Variants in FABP12 observed in about 807,000 individuals in gnomAD.
FABP12 encodes the protein fatty acid-binding protein 12.
FABP12 carries 19 observed loss-of-function variants against 13.7 expected under a neutral mutation model. That is an observed-to-expected ratio of 1.39 (90% CI 0.97 to 2.04). The LOEUF (loss-of-function observed/expected upper bound fraction) is 2.04, where lower values mean the gene tolerates loss of function less well. Ranked by LOEUF, FABP12 falls within the 30% of genes most tolerant of loss-of-function variation. The probability of loss-of-function intolerance (pLI) is 0.00; values close to 1 mark genes in which losing one functional copy is unlikely to be tolerated. For missense variants in FABP12, 182 were observed against 164.2 expected, an observed-to-expected ratio of 1.11 and a Z score of -0.59; for synonymous variants, 61 against 57.0, an observed-to-expected ratio of 1.07 and a Z score of -0.32.
rs534411791 is a variant in FABP12 at position 81,543,606 on chromosome 8, A to G, written c.-184-3863T>C. On this transcript the variant is annotated intron_variant, in intron 1 of 5. Coordinates refer to the FABP12 transcript ENST00000692030. ...CATTAACCTATAAGTATATAAAAGT[A>G]TGTATACCCTGATCACAAATATGAA... Among the ~76,000 whole-genome samples, 10 of 152,350 alleles carry G rather than the reference A, an allele frequency of 6.6e-5. No homozygotes were observed. The South Asian group carries it at 2.1e-3, about 32-fold the overall frequency.
rs561314204 is a variant in FABP12, at chr8:81,527,246, C to T, written c.247-125G>A. 4 of 507,710 alleles carry T rather than the reference C, an allele frequency of 7.9e-6. No homozygotes were observed. In the South Asian group the frequency reaches 1.1e-4, roughly 14 times the overall value. 31.5% of individuals were successfully genotyped at this position (507,710 alleles called of 1,614,324 possible). A position where few individuals can be genotyped will look rare whatever the true frequency, so the allele number is the denominator to read the frequency against. On this transcript the variant is annotated intron_variant, in intron 3 of 4. Coordinates refer to ENST00000360464, the Ensembl canonical transcript of FABP12. ...GGTAGTTTTAGAATGGTATTGACAACTCTATTTATTTTAAGACTTTGTCAG... is the reference window on the plus strand; with the variant it reads ...GGTAGTTTTAGAATGGTATTGACAATTCTATTTATTTTAAGACTTTGTCAG...
At chr8:81,528,369 G>A (rs576555139) in intron 3 of FABP12, among the ~76,000 whole-genome samples, 10 of 152,148 alleles carry the variant, frequency 6.6e-5, no homozygotes, top group South Asian at 4.2e-4. Context: ...ATGAGCTACC[G>A]CACCCAACCT....
intron 3 of FABP12, 120 bp from the exon 4 acceptor site, chr8:81,527,241 G>T (rs1198251743): frequency 1.9e-6 from 1 of 532,186 alleles, no homozygotes; most frequent in African/African-American, 1.9e-5. Flanking sequence ...GAATGGTATT[G>T]ACAACTCTAT....
At chr8:81,549,791 A>T (rs569437484) in intron 1 of FABP12, among the ~76,000 whole-genome samples, 1 of 152,324 alleles carries the variant, frequency 6.6e-6, no homozygotes, top group African/African-American at 2.4e-5. Flanking sequence ...CCTAGTGTTT[A>T]AACAAATAAA....
At chr8:81,558,594 A>G (rs1809662580) in intron 1 of FABP12, among the ~76,000 whole-genome samples, 1 of 152,120 alleles carries the variant, frequency 6.6e-6, no homozygotes, top group Admixed American at 6.5e-5. Flanking sequence ...ATTTAAGTGC[A>G]TAGAAGTTGG....
At chr8:81,571,592 T>C (rs1585856331) in intron 1 of FABP12, among the ~76,000 whole-genome samples, 1 of 152,244 alleles carries the variant, frequency 6.6e-6, no homozygotes, top group Non-Finnish European at 1.5e-5. Context: ...ATTCCCTTTT[T>C]ATAGACGAAG....
chr8:81,531,390 A>G, exon 2 of FABP12: 1 of 983,582 alleles, frequency 1.0e-6, no homozygotes, highest in South Asian at 1.6e-5. Flanking sequence ...TAGTATGGGA[A>G]CTTGTTTTTA....
At chr8:81,575,225 A>G (rs1810017372) in intron 1 of FABP12, among the ~76,000 whole-genome samples, 1 of 152,196 alleles carries the variant, frequency 6.6e-6, no homozygotes. Flanking sequence ...TGCTCATTCA[A>G]GAGCAGGTAA....
chr8:81,533,702 G>A (rs561353824), intron 1 of FABP12, among the ~76,000 whole-genome samples, 100 bp downstream of exon 1: 44 of 152,264 alleles, frequency 2.9e-4, no homozygotes, highest in African/African-American at 9.9e-4. Flanking sequence ...AGCTGGTCAC[G>A]TGGGACCCAC....
upstream of FABP12, among the ~76,000 whole-genome samples, chr8:81,535,766 T>C (rs1809206408): frequency 1.3e-5 from 2 of 152,102 alleles, no homozygotes; most frequent in African/African-American, 4.8e-5. Flanking sequence ...TATCTCAGGG[T>C]TCTTCCTTCT....
intron 3 of FABP12, 59 bp downstream of exon 3, chr8:81,529,379 G>A (rs1808996746): frequency 6.5e-7 from 1 of 1,533,604 alleles, no homozygotes; most frequent in East Asian, 2.2e-5. Context: ...TACTTACCGA[G>A]GATGATATCT....
intron 1 of FABP12, among the ~76,000 whole-genome samples, chr8:81,578,019 G>T (rs984206972): frequency 6.6e-6 from 1 of 152,186 alleles, no homozygotes; most frequent in Non-Finnish European, 1.5e-5. Flanking sequence ...ATGGAAGGTT[G>T]ATTGTGGTAT....
At chr8:81,533,820 G>C (rs962773450) in exon 1 of FABP12, among the ~76,000 whole-genome samples, 1 of 152,130 alleles carries the variant, frequency 6.6e-6, no homozygotes, top group South Asian at 2.1e-4. Flanking sequence ...TTCTGGTCTT[G>C]TTTAGGCTTG....
chr8:81,531,718 C>A (rs1346869459), intron 1 of FABP12, among the ~76,000 whole-genome samples: 3 of 152,120 alleles, frequency 2.0e-5, no homozygotes, highest in Non-Finnish European at 4.4e-5. Flanking sequence ...CTCTGTCTGT[C>A]CAAAGATGAT....
intron 1 of FABP12, among the ~76,000 whole-genome samples, chr8:81,589,374 T>C (rs775126754): frequency 1.2e-4 from 18 of 152,148 alleles, no homozygotes; most frequent in Non-Finnish European, 2.2e-4. Context: ...CTGGGCAACA[T>C]AGTGAGACCT....
chr8:81,553,179 T>C (rs1809548883), intron 1 of FABP12, among the ~76,000 whole-genome samples: 2 of 152,200 alleles, frequency 1.3e-5, no homozygotes, highest in African/African-American at 4.8e-5. Context: ...TCTCTCTTTC[T>C]CCAGATACCT....
chr8:81,554,804 TA>T (rs369556823), intron 1 of FABP12, among the ~76,000 whole-genome samples: 2,241 of 149,988 alleles, frequency 0.015, 16 homozygotes, highest in Admixed American at 0.024. Flanking sequence ...CTGATGAGCT[TA>T]AAAAAAAAAT....
intron 1 of FABP12, among the ~76,000 whole-genome samples, chr8:81,567,962 A>G (rs187500467): frequency 6.6e-6 from 1 of 152,106 alleles, no homozygotes; most frequent in South Asian, 2.1e-4. Flanking sequence ...TCTACTAAAA[A>G]TACAAAAAAA....
At chr8:81,542,056 T>A (rs977967108) in intron 1 of FABP12, among the ~76,000 whole-genome samples, 1 of 152,038 alleles carries the variant, frequency 6.6e-6, no homozygotes, top group Non-Finnish European at 1.5e-5. Flanking sequence ...AGACTTTCTT[T>A]ACTTTTGTGT....
Sources: allele counts gnomAD v4.1 joint callset (sites outside exome capture counted in the v4.1 genomes callset), GRCh38; gene constraint gnomAD v4.1.1; transcripts MANE v1.5; gene names NCBI Gene and HGNC (gene_info 2026-07-23, HGNC 2026-07-21).